Variants in C2CD3 observed in about 807,000 individuals in gnomAD.
The protein encoded by C2CD3 is C2 domain-containing protein 3.
Under a neutral mutation model 234.0 loss-of-function variants are expected in C2CD3, and 148 were observed. That is an observed-to-expected ratio of 0.63 (90% CI 0.55 to 0.72). The LOEUF is 0.72. Ranked by LOEUF, C2CD3 falls within the 30% of genes least tolerant of loss-of-function variation. The pLI is 0.00. For synonymous variants in C2CD3, 1,000 were observed against 1,035.4 expected (o/e 0.97, Z 0.66); for missense variants, 2,577 against 2,811.5 (o/e 0.92, Z 1.89).
intron 22 of C2CD3, among the ~76,000 whole-genome samples, chr11:74,084,208 C>T (rs563743492): frequency 3.9e-5 from 6 of 152,172 alleles, no homozygotes; most frequent in South Asian, 2.1e-4. Context: ...AAACTAGACA[C>T]CGCATGTTCT....
chr11:74,037,658 G>T lies in C2CD3; in HGVS notation c.5701C>A (p.Arg1901Ser). The change falls in exon 30 of 33, where the codon CGC (arginine) becomes AGC (serine). Residue 1901 changes from arginine to serine, a missense_variant. Physicochemically the swap from Arg to Ser is moderately radical, Grantham distance 110. Transcript: ENST00000334126. ...AGGAAAGGCTTGGTGAGCTTCTGGC[G>T]GAAGTACCTCTGAATCTGATCAAGC... ...SELDQIQRYF[R>S]QKLTKPFLPL... is the part of the protein sequence containing the mutation. The T allele has an allele frequency of 6.2e-7, 1 of 1,614,024 alleles. No homozygotes were observed. Among genetic ancestry groups the T allele is most frequent in the Non-Finnish European group, 8.5e-7 (1 of 1,179,986 alleles).
chr11:74,028,007 TCTTAG>T (rs1312312723), intron 32 of C2CD3, among the ~76,000 whole-genome samples: 3 of 152,178 alleles, frequency 2.0e-5, no homozygotes, highest in African/African-American at 7.2e-5. Context: ...AATACACATT[TCTTAG>T]CTGCCTCTTG....
chr11:74,078,048 T>A, intron 23 of C2CD3, 67 bp downstream of exon 23: 1 of 1,524,634 alleles, frequency 6.6e-7, no homozygotes, highest in Non-Finnish European at 8.8e-7. Flanking sequence ...TGACAGAGTG[T>A]CTCACCTAGT....
At chr11:74,052,238 A>G (rs1259862956) in intron 26 of C2CD3, among the ~76,000 whole-genome samples, 9 of 152,194 alleles carry the variant, frequency 5.9e-5, no homozygotes, top group Non-Finnish European at 1.2e-4. Context: ...TATTCTCTAC[A>G]CTCCAATAGT....
At chr11:74,140,635 C>T (rs898160550) in intron 3 of C2CD3, among the ~76,000 whole-genome samples, 9 of 152,098 alleles carry the variant, frequency 5.9e-5, no homozygotes, top group Non-Finnish European at 8.8e-5. Flanking sequence ...CCTTGAAGCA[C>T]GGGCTATCTT....
intron 3 of C2CD3, among the ~76,000 whole-genome samples, chr11:74,147,548 C>G (rs35826958): frequency 0.18 from 27,455 of 152,158 alleles, 2,677 homozygotes; most frequent in East Asian, 0.3. Flanking sequence ...TGTTTTTGAG[C>G]TTGAGTTTAA....
chr11:74,046,107 A>G (rs1346053983), intron 28 of C2CD3, among the ~76,000 whole-genome samples: 1 of 152,208 alleles, frequency 6.6e-6, no homozygotes, highest in Non-Finnish European at 1.5e-5. Context: ...AACTTTACAT[A>G]TTTAAAGAAT....
chr11:74,166,111 C>A (rs1264990013), intron 2 of C2CD3, among the ~76,000 whole-genome samples: 1 of 152,048 alleles, frequency 6.6e-6, no homozygotes, highest in Non-Finnish European at 1.5e-5. Context: ...GAGATTGAGA[C>A]CATCCTGGCT....
chr11:74,061,279 C>T (rs1954228744), intron 24 of C2CD3, among the ~76,000 whole-genome samples: 1 of 152,108 alleles, frequency 6.6e-6, no homozygotes, highest in African/African-American at 2.4e-5. Context: ...CAGAGAATGC[C>T]ACAAAGATAC....
intron 20 of C2CD3, among the ~76,000 whole-genome samples, chr11:74,088,511 A>G (rs1226690948): frequency 6.6e-6 from 1 of 152,198 alleles, no homozygotes; most frequent in African/African-American, 2.4e-5. Context: ...CCTTGAATAT[A>G]TGACACAGAC....
chr11:74,071,425 T>C (rs1018806454), intron 24 of C2CD3, among the ~76,000 whole-genome samples: 3 of 152,232 alleles, frequency 2.0e-5, no homozygotes, highest in South Asian at 4.1e-4. Flanking sequence ...GTGCTGAGCA[T>C]AGAGTGTAGA....
chr11:74,109,409 A>G lies in C2CD3; in HGVS notation c.1844-257T>C, dbSNP rs1956659086. On this transcript the variant is annotated intron_variant, in intron 11 of 32. Coordinates refer to ENST00000334126, the MANE Select transcript of C2CD3 (RefSeq NM_001286577.2). ...TTGCCATGAGAAATGAATGTCAATC[A>G]TATGAGTACTGGATGTGTAAGGAGA... The G allele has an allele frequency of 1.6e-5, 6 of 383,534 alleles. No individual in the cohort carries two copies. In the East Asian group the frequency reaches 2.7e-4, roughly 17 times the overall value. The allele number at this position is 383,534 out of a possible 1,614,324, so 23.8% of individuals were successfully genotyped here. A position where few individuals can be genotyped will look rare whatever the true frequency, so the allele number is the denominator to read the frequency against.
At chr11:74,120,641 C>T (rs570243434) in intron 8 of C2CD3, among the ~76,000 whole-genome samples, 1 of 152,186 alleles carries the variant, frequency 6.6e-6, no homozygotes, top group African/African-American at 2.4e-5. Context: ...GGGTATACAC[C>T]CAGTCATAGG....
At chr11:74,077,797 ATATATATATATATATATATAT>A (rs1955118605) in intron 23 of C2CD3, among the ~76,000 whole-genome samples, 1 of 10,016 alleles carries the variant, frequency 1.0e-4, no homozygotes, top group Non-Finnish European at 2.6e-4. Context: ...ATATATATAT[ATATATATATATATATATATAT>A]ATATATATAT....
At chr11:74,033,210 T>TC (rs1402590352) in intron 31 of C2CD3, 141 bp downstream of exon 31, 1 of 656,616 alleles carries the variant, frequency 1.5e-6, no homozygotes, top group Non-Finnish European at 2.6e-6. Flanking sequence ...GTAGCACCTG[T>TC]CATGCAGGTG....
At chr11:74,068,465 G>A (rs1227075490) in intron 24 of C2CD3, among the ~76,000 whole-genome samples, 1 of 152,244 alleles carries the variant, frequency 6.6e-6, no homozygotes, top group Admixed American at 6.5e-5. Flanking sequence ...TTTGTCTACA[G>A]ATAGTTGCCC....
At position 74,152,735 on chromosome 11, in the gene C2CD3, T is replaced by C. The variant is rs556059633; in HGVS notation, c.483+8664A>G. On this transcript the variant is annotated intron_variant, in intron 3 of 32. Transcript: ENST00000334126. ...GTCTGGTTTTGTTTTTAGAAATGAA[T>C]CAATAAAATAGGCCATATTAACAGA... 7.6e-4 allele frequency among the ~76,000 whole-genome samples: 116 copies of C among 152,234 alleles called. 2 individuals are homozygous for C. Among genetic ancestry groups the C allele is most frequent in the East Asian group, 2.1e-3 (11 of 5,190 alleles).
Position 74,033,386 on chromosome 11 carries a change from A to C in C2CD3, c.6774T>G (p.Thr2258=), listed in dbSNP as rs778923885. Residue 2258 remains threonine (T), a synonymous_variant, in exon 31 of 33, where the codon ACT becomes ACG. Coordinates refer to ENST00000334126, the MANE Select transcript of C2CD3 (RefSeq NM_001286577.2). ...TCTGCTTTGTGGACGTCTCTGATCCAGTTGTCACCTGCCTCTGCCTGATGT... is the reference window on the plus strand; with the variant it reads ...TCTGCTTTGTGGACGTCTCTGATCCCGTTGTCACCTGCCTCTGCCTGATGT... ...SSDIRQRQVT[T]GSETSTKQSL... 6.5e-7 allele frequency: 1 copy of C among 1,536,170 alleles called. No homozygotes were observed. The highest frequency in any genetic ancestry group is 1.4e-5 in the African/African-American group (1 of 73,178).
At chr11:74,015,197 C>T (rs756281449) in intron 32 of C2CD3, among the ~76,000 whole-genome samples, 11 of 152,290 alleles carry the variant, frequency 7.2e-5, no homozygotes, top group East Asian at 1.9e-4. Flanking sequence ...GGGATCCCAG[C>T]GAGGCCAGTT....
Sources: gnomAD v4.1 joint callset for allele counts (sites outside exome capture counted in the v4.1 genomes callset) on GRCh38, gnomAD v4.1.1 for gene constraint, MANE v1.5 for transcripts, NCBI Gene and HGNC (gene_info 2026-07-23, HGNC 2026-07-21) for gene names.